Variants in ZNF678 observed in about 807,000 individuals in gnomAD.
ZNF678 encodes the protein hypothetical protein MGC42493.
In ZNF678, 5 loss-of-function variants were observed where a neutral mutation model predicts 3.0. That is an observed-to-expected ratio of 1.69 (90% confidence interval 0.88 to 3.56). The LOEUF is 3.56. ZNF678 is among the 30% of genes most tolerant of loss of function. ZNF678 has a pLI of 0.00. For synonymous variants in ZNF678, 218 were observed against 199.6 expected (o/e 1.09, Z -0.78); for missense variants, 593 against 605.0 (o/e 0.98, Z 0.21).
At chr1:227,588,734 G>A (rs1190824372) in intron 1 of ZNF678, among the ~76,000 whole-genome samples, 1 of 151,868 alleles carries the variant, frequency 6.6e-6, no homozygotes, top group Non-Finnish European at 1.5e-5. Flanking sequence ...TGAACTCCTG[G>A]CCTCAAGTGA....
intron 1 of ZNF678, among the ~76,000 whole-genome samples, chr1:227,640,344 T>TG (rs1311226753): frequency 6.6e-6 from 1 of 150,966 alleles, no homozygotes; most frequent in South Asian, 2.1e-4. Context: ...CAAGGAGGCT[T>TG]GGGGGGTTAA....
intron 1 of ZNF678, among the ~76,000 whole-genome samples, chr1:227,574,947 G>A (rs112989142): frequency 1.1e-5 from 1 of 93,048 alleles, no homozygotes; most frequent in East Asian, 2.5e-4. Flanking sequence ...GGGGTTTTTT[G>A]TTGTTGTTGT....
At chr1:227,574,557 A>G (rs1324207488) in intron 1 of ZNF678, among the ~76,000 whole-genome samples, 1 of 152,118 alleles carries the variant, frequency 6.6e-6, no homozygotes, top group African/African-American at 2.4e-5. Flanking sequence ...GATGCTGGAT[A>G]TTAGACCTTT....
At chr1:227,586,983 G>A (rs972253888) in intron 1 of ZNF678, among the ~76,000 whole-genome samples, 2 of 152,190 alleles carry the variant, frequency 1.3e-5, no homozygotes, top group African/African-American at 4.8e-5. Flanking sequence ...ATGGCAGGAT[G>A]AGAATGGAAG....
downstream of ZNF678, among the ~76,000 whole-genome samples, chr1:227,662,969 T>C (rs1659440888): frequency 6.6e-6 from 1 of 152,324 alleles, no homozygotes; most frequent in South Asian, 2.1e-4. Flanking sequence ...TTTGGACATA[T>C]GATTTTTATA....
At chr1:227,602,188 T>C (rs1244860488) in intron 1 of ZNF678, among the ~76,000 whole-genome samples, 1 of 152,222 alleles carries the variant, frequency 6.6e-6, no homozygotes, top group Non-Finnish European at 1.5e-5. Flanking sequence ...TTTCTGCTTA[T>C]CAGTTTGGCA....
At chr1:227,633,231 T>C (rs1188435344) in intron 1 of ZNF678, among the ~76,000 whole-genome samples, 2 of 152,190 alleles carry the variant, frequency 1.3e-5, no homozygotes, top group African/African-American at 2.4e-5. Flanking sequence ...CAGAAGAGTG[T>C]GCAGTTGCAA....
At chr1:227,644,767 A>G (rs540351322) in intron 1 of ZNF678, among the ~76,000 whole-genome samples, 1 of 150,980 alleles carries the variant, frequency 6.6e-6, no homozygotes, top group Non-Finnish European at 1.5e-5. Context: ...CAAGCTTCCA[A>G]TTAGGATCAC....
intron 1 of ZNF678, among the ~76,000 whole-genome samples, chr1:227,630,790 G>T (rs1558148904): frequency 1.3e-5 from 2 of 152,122 alleles, no homozygotes; most frequent in South Asian, 4.1e-4. Context: ...TTATTAGTTG[G>T]GGAAGGAGCC....
At chr1:227,574,657 T>C (rs1320484353) in intron 1 of ZNF678, among the ~76,000 whole-genome samples, 1 of 152,170 alleles carries the variant, frequency 6.6e-6, no homozygotes, top group Non-Finnish European at 1.5e-5. Context: ...AGAAGCTCTT[T>C]AGTTTAATCA....
chr1:227,576,762 G>A (rs532385267), intron 1 of ZNF678, among the ~76,000 whole-genome samples: 1 of 152,092 alleles, frequency 6.6e-6, no homozygotes, highest in African/African-American at 2.4e-5. Context: ...TTTTGGTTAT[G>A]TCTTGCCTTC....
intron 1 of ZNF678, among the ~76,000 whole-genome samples, chr1:227,617,010 C>T (rs1658158828): frequency 6.6e-6 from 1 of 152,190 alleles, no homozygotes; most frequent in East Asian, 1.9e-4. Context: ...CTTGAGGTGT[C>T]ATGGCAGATA....
At chr1:227,676,592 TA>T (rs1480874799) in intron 5 of ZNF678, among the ~76,000 whole-genome samples, 1 of 152,182 alleles carries the variant, frequency 6.6e-6, no homozygotes, top group African/African-American at 2.4e-5. Flanking sequence ...TGCATATGTA[TA>T]CATGTGCCAT....
chr1:227,622,433 T>C (rs1235874728), intron 1 of ZNF678, among the ~76,000 whole-genome samples: 2 of 152,220 alleles, frequency 1.3e-5, no homozygotes, highest in Non-Finnish European at 2.9e-5. Flanking sequence ...AAAACCAAGC[T>C]GCATCCCAAC....
chr1:227,653,202 C>T (rs1659130237), intron 3 of ZNF678, among the ~76,000 whole-genome samples: 1 of 151,948 alleles, frequency 6.6e-6, no homozygotes, highest in South Asian at 2.1e-4. Flanking sequence ...TTATTCCTCT[C>T]TGTGATTTCA....
chr1:227,662,277 T>A lies in ZNF678; in HGVS notation c.*6449T>A, dbSNP rs1408276651. The A allele has an allele frequency of 1.3e-5, 2 of 152,218 alleles. No homozygotes were observed. Among genetic ancestry groups the A allele is most frequent in the African/African-American group, 2.4e-5 (1 of 41,450 alleles). The allele number at this position is 152,218 out of a possible 1,614,324, so 9.4% of individuals were successfully genotyped here. On this transcript the variant is annotated 3_prime_UTR_variant, in exon 4 of 4. Coordinates refer to ENST00000343776, the MANE Select transcript of ZNF678 (RefSeq NM_001367909.1). ...AGGCTTTTGCACATCCAATGTCTCC[T>A]TAAAGCATGTGGTTCAGAATTGAGA...
At chr1:227,634,715 G>A (rs909269406) in intron 1 of ZNF678, among the ~76,000 whole-genome samples, 1 of 152,194 alleles carries the variant, frequency 6.6e-6, no homozygotes, top group Non-Finnish European at 1.5e-5. Flanking sequence ...ATGCCAGATA[G>A]ATTTCTAAAG....
At chr1:227,670,439 A>G (rs567113271) in intron 5 of ZNF678, among the ~76,000 whole-genome samples, 64 of 152,308 alleles carry the variant, frequency 4.2e-4, no homozygotes, top group African/African-American at 1.4e-3. Context: ...ATTGGAGTAA[A>G]GTGTAAGATT....
intron 1 of ZNF678, among the ~76,000 whole-genome samples, chr1:227,593,402 A>G (rs1657470153): frequency 6.6e-6 from 1 of 152,206 alleles, no homozygotes. Context: ...AAATTACAAA[A>G]ACCGGTTGGG....
Sources: gnomAD v4.1 joint callset for allele counts (sites outside exome capture counted in the v4.1 genomes callset) on GRCh38, gnomAD v4.1.1 for gene constraint, MANE v1.5 for transcripts, NCBI Gene and HGNC (gene_info 2026-07-23, HGNC 2026-07-21) for gene names.